BTAF1: variants seen among roughly 807,000 people sequenced by gnomAD.
BTAF1 encodes the protein TATA-binding protein-associated factor 172.
Under a neutral mutation model 227.1 loss-of-function variants are expected in BTAF1, and 38 were observed. The ratio of observed to expected loss-of-function variants is 0.17; its 90% CI spans 0.13 to 0.22. The LOEUF is 0.22. Among genes scored for constraint, BTAF1 ranks in the 10% least tolerant of loss-of-function variants. BTAF1 has a pLI of 1.00. For synonymous variants in BTAF1, 742 were observed against 751.9 expected, an observed-to-expected ratio of 0.99 and a Z score of 0.21; for missense variants, 1,598 against 2,204.0, an observed-to-expected ratio of 0.73 and a Z score of 5.51.
At chr10:91,975,300 G>A (rs1190654362) in intron 14 of BTAF1, among the ~76,000 whole-genome samples, 7 of 152,284 alleles carry the variant, frequency 4.6e-5, no homozygotes, top group African/African-American at 1.7e-4. Flanking sequence ...AATTTCGAAT[G>A]TTAGAAAATT....
At position 91,991,271 on chromosome 10, in the gene BTAF1, A is replaced by ATATATATATATATATATATATATATAT. The variant is rs1564699914; in HGVS notation, c.2855-848_2855-847insTATATATATATATATATATATATATAT. On this transcript the variant is annotated intron_variant, in intron 20 of 37. Coordinates refer to ENST00000265990, the MANE Select transcript of BTAF1 (RefSeq NM_003972.3). ...AAAAAAATATATAAATATAAATATA[A>ATATATATATATATATATATATATATAT]ATATATATATATATATATATAAATT... 2.0e-3 allele frequency among the ~76,000 whole-genome samples: 130 copies of ATATATATATATATATATATATATATAT among 66,004 alleles called. 4 individuals are homozygous for ATATATATATATATATATATATATATAT. The highest frequency in any genetic ancestry group is 9.2e-3 in the East Asian group (10 of 1,088). The allele number at this position is 66,004 out of a possible 152,430, so 43.3% of individuals were successfully genotyped here.
intron 20 of BTAF1, among the ~76,000 whole-genome samples, chr10:91,991,793 G>GTATATATA (rs1307734990): frequency 3.1e-4 from 26 of 83,438 alleles, no homozygotes; most frequent in African/African-American, 7.7e-4. Flanking sequence ...GTGTGTGTGT[G>GTATATATA]TGTGTATATA....
At chr10:91,988,533 A>G (rs1459292950) in intron 19 of BTAF1, among the ~76,000 whole-genome samples, 2 of 152,256 alleles carry the variant, frequency 1.3e-5, no homozygotes, top group Non-Finnish European at 2.9e-5. Context: ...GTCTGGTACA[A>G]CAGTCCTGTA....
intron 19 of BTAF1, among the ~76,000 whole-genome samples, chr10:91,985,378 C>A (rs1848334987): frequency 6.6e-6 from 1 of 151,936 alleles, no homozygotes; most frequent in African/African-American, 2.4e-5. Context: ...CTAGTTTAAG[C>A]CATTCTCCCG....
At chr10:91,966,502 T>C (rs993517962) in intron 13 of BTAF1, 135 bp from the exon 14 acceptor site, 4 of 864,532 alleles carry the variant, frequency 4.6e-6, no homozygotes, top group African/African-American at 1.7e-5. Flanking sequence ...GAAAACTGTA[T>C]TATCTTTTAA....
intron 25 of BTAF1, among the ~76,000 whole-genome samples, chr10:92,001,058 CAA>C (rs1849492440): frequency 2.0e-5 from 3 of 152,048 alleles, no homozygotes; most frequent in Admixed American, 2.0e-4. Context: ...CAAAATGTAC[CAA>C]ACAGTGGTTT....
chr10:91,984,441 A>G (rs1177995220), intron 19 of BTAF1, 37 bp downstream of exon 19: 1 of 1,517,082 alleles, frequency 6.6e-7, no homozygotes, highest in Non-Finnish European at 9.0e-7. Flanking sequence ...TAGAGATAGA[A>G]CATGAAATAT....
At chr10:91,981,893 TTAAC>T (rs2133983672) in intron 16 of BTAF1, 101 bp downstream of exon 16, 2 of 1,392,078 alleles carry the variant, frequency 1.4e-6, no homozygotes, top group South Asian at 1.5e-5. Flanking sequence ...TGTGATTTAA[TTAAC>T]ATAAGTAAGG....
At chr10:91,968,734 A>G (rs1269288720) in intron 14 of BTAF1, among the ~76,000 whole-genome samples, 1 of 152,166 alleles carries the variant, frequency 6.6e-6, no homozygotes, top group Non-Finnish European at 1.5e-5. Context: ...AGCCATTCTT[A>G]TAAGTGTGTA....
intron 19 of BTAF1, among the ~76,000 whole-genome samples, chr10:91,986,768 T>TTG: frequency 6.6e-6 from 1 of 152,208 alleles, no homozygotes; most frequent in Non-Finnish European, 1.5e-5. Flanking sequence ...CTTATTCAGA[T>TTG]CTTTTACTCT....
chr10:92,027,083 C>A, intron 36 of BTAF1, 47 bp from the exon 37 acceptor site: 1 of 1,561,142 alleles, frequency 6.4e-7, no homozygotes, highest in South Asian at 1.2e-5. Context: ...GTTGGAACCT[C>A]AAAGCATAAT....
At chr10:91,964,847 G>A (rs1846776375) in intron 13 of BTAF1, among the ~76,000 whole-genome samples, 1 of 152,060 alleles carries the variant, frequency 6.6e-6, no homozygotes, top group Non-Finnish European at 1.5e-5. Context: ...AGTGTCCTTA[G>A]AGATAGAGAA....
chr10:91,950,461 C>T (rs1010561326), intron 4 of BTAF1, among the ~76,000 whole-genome samples: 3 of 151,390 alleles, frequency 2.0e-5, no homozygotes, highest in Non-Finnish European at 4.4e-5. Context: ...AGAAGCAGAT[C>T]GTTATTGTTT....
intron 30 of BTAF1, among the ~76,000 whole-genome samples, chr10:92,012,092 TC>T (rs1850343508): frequency 2.1e-5 from 1 of 47,396 alleles, no homozygotes; most frequent in African/African-American, 9.1e-5. Flanking sequence ...CCTCCCTCCC[TC>T]CCCTCCCCCT....
chr10:92,018,502 T>G (rs774942310), intron 33 of BTAF1, among the ~76,000 whole-genome samples: 7 of 152,212 alleles, frequency 4.6e-5, no homozygotes, highest in Non-Finnish European at 7.4e-5. Flanking sequence ...AGAAAACAAC[T>G]AAGACGCTCA....
chr10:91,992,314 G>A lies in BTAF1; in HGVS notation c.3045+5G>A. On this transcript the variant is annotated splice_donor_5th_base_variant and intron_variant, in intron 21 of 37. Coordinates refer to ENST00000265990, the MANE Select transcript of BTAF1 (RefSeq NM_003972.3). ...ATTCTTGTTGAACTTGATGAGGTAA[G>A]TAGTTTTTTTTTTTTTTTAATGCTT... The A allele has an allele frequency of 6.6e-7, 1 of 1,521,170 alleles. No individual in the cohort carries two copies. The highest frequency in any genetic ancestry group is 2.3e-5 in the East Asian group (1 of 42,744). The allele number at this position is 1,521,170 out of a possible 1,614,324, so 94.2% of individuals were successfully genotyped here. A position where few individuals can be genotyped will look rare whatever the true frequency, so the allele number is the denominator to read the frequency against.
chr10:91,924,394 G>T (rs1050604474), intron 1 of BTAF1, among the ~76,000 whole-genome samples: 2 of 152,144 alleles, frequency 1.3e-5, no homozygotes, highest in Non-Finnish European at 2.9e-5. Context: ...TTCTAGGGGA[G>T]TCTCTTATCT....
intron 14 of BTAF1, among the ~76,000 whole-genome samples, chr10:91,979,414 T>C (rs1006148270): frequency 6.6e-6 from 1 of 152,202 alleles, no homozygotes; most frequent in African/African-American, 2.4e-5. Flanking sequence ...TAAAACTTGT[T>C]TCAAACCATG....
intron 25 of BTAF1, among the ~76,000 whole-genome samples, chr10:92,002,727 G>A (rs1849631603): frequency 6.6e-6 from 1 of 152,178 alleles, no homozygotes; most frequent in South Asian, 2.1e-4. Context: ...TTAGTGTTGT[G>A]TGGAATATAT....
Sources: gnomAD v4.1 joint callset for allele counts (sites outside exome capture counted in the v4.1 genomes callset) on GRCh38, gnomAD v4.1.1 for gene constraint, MANE v1.5 for transcripts, NCBI Gene and HGNC (gene_info 2026-07-23, HGNC 2026-07-21) for gene names.